The following DYNC1I1 variants were observed in gnomAD, a reference collection of about 807,000 sequenced individuals.
The protein encoded by DYNC1I1 is dynein cytoplasmic 1 intermediate chain 1.
DYNC1I1 carries 43 observed loss-of-function variants against 86.6 expected under a neutral mutation model. The observed-to-expected ratio is 0.50, with a 90% confidence interval of 0.39 to 0.64. The LOEUF (loss-of-function observed/expected upper bound fraction) is 0.64. Among genes scored for constraint, DYNC1I1 ranks in the 30% least tolerant of loss-of-function variants. The pLI, the probability that DYNC1I1 is intolerant of heterozygous loss-of-function variation, is 0.00. For missense variants in DYNC1I1, 604 were observed against 788.8 expected (o/e 0.77, Z 2.81); for synonymous variants, 262 against 283.7 (o/e 0.92, Z 0.77).
intron 10 of DYNC1I1, among the ~76,000 whole-genome samples, chr7:96,009,996 C>T (rs753261764): frequency 6.6e-6 from 1 of 152,042 alleles, no homozygotes; most frequent in African/African-American, 2.4e-5. Context: ...TCAGGCTGAT[C>T]TCAAACTCCC....
At chr7:95,873,354 A>G (rs992801858) in intron 6 of DYNC1I1, among the ~76,000 whole-genome samples, 2 of 152,228 alleles carry the variant, frequency 1.3e-5, no homozygotes, top group African/African-American at 2.4e-5. Context: ...TCCAAGTAGT[A>G]TAGCCATTTG....
At chr7:95,946,571 C>G (rs911182667) in intron 6 of DYNC1I1, among the ~76,000 whole-genome samples, 1 of 152,150 alleles carries the variant, frequency 6.6e-6, no homozygotes, top group African/African-American at 2.4e-5. Context: ...AAGCAATAGT[C>G]ACCTAGGCTC....
At chr7:96,081,073 A>T (rs1300484409) in intron 16 of DYNC1I1, among the ~76,000 whole-genome samples, 1 of 122,420 alleles carries the variant, frequency 8.2e-6, no homozygotes, top group Non-Finnish European at 1.7e-5. Flanking sequence ...ATCTCAAAAA[A>T]AAAAGAAAAA....
chr7:95,933,302 A>T (rs981170153), intron 6 of DYNC1I1, among the ~76,000 whole-genome samples: 4 of 152,220 alleles, frequency 2.6e-5, no homozygotes, highest in African/African-American at 9.6e-5. Context: ...ACAGCAAAGA[A>T]GAGTCCAAAT....
At position 95,956,258 on chromosome 7, in the gene DYNC1I1, C is replaced by T. The variant is rs79628872; in HGVS notation, c.491-21254C>T. 9.0e-3 allele frequency among the ~76,000 whole-genome samples: 1,365 copies of T among 152,026 alleles called. 22 individuals are homozygous for T. Among genetic ancestry groups the T allele is most frequent in the African/African-American group, 0.031 (1,290 of 41,470 alleles). On this transcript the variant is annotated intron_variant, in intron 6 of 16. Transcript: ENST00000447467. ...CATAAATAATACGTAGTATTAAGTG[C>T]TTATTTGCTAGCTTCTCTGACTAAA...
At chr7:95,871,331 G>A (rs1790161911) in intron 6 of DYNC1I1, among the ~76,000 whole-genome samples, 1 of 152,068 alleles carries the variant, frequency 6.6e-6, no homozygotes, top group Admixed American at 6.5e-5. Flanking sequence ...GTATATTAAC[G>A]TGGCTGAAAA....
At chr7:96,009,126 C>G (rs891104666) in intron 10 of DYNC1I1, among the ~76,000 whole-genome samples, 10 of 152,198 alleles carry the variant, frequency 6.6e-5, no homozygotes, top group African/African-American at 2.4e-4. Flanking sequence ...GTCATATTAA[C>G]AGAGTAAAAC....
intron 10 of DYNC1I1, among the ~76,000 whole-genome samples, chr7:96,020,957 A>C (rs1396360000): frequency 6.6e-6 from 1 of 152,136 alleles, no homozygotes; most frequent in African/African-American, 2.4e-5. Flanking sequence ...TTGTAGAGTC[A>C]GAAAGTAGAA....
intron 10 of DYNC1I1, among the ~76,000 whole-genome samples, chr7:96,022,422 A>G (rs944450885): frequency 3.3e-5 from 5 of 151,850 alleles, no homozygotes; most frequent in South Asian, 2.1e-4. Flanking sequence ...GTCAAGAAGG[A>G]GCAGGTAACT....
At chr7:96,081,079 A>AAAAAAAAAAAAAAAAAAAG (rs375715304) in intron 16 of DYNC1I1, among the ~76,000 whole-genome samples, 12 of 133,682 alleles carry the variant, frequency 9.0e-5, no homozygotes, top group African/African-American at 1.2e-4. Context: ...AAAAAAAAAG[A>AAAAAAAAAAAAAAAAAAAG]AAAAGAAAAG....
intron 5 of DYNC1I1, among the ~76,000 whole-genome samples, chr7:95,841,091 T>C (rs763505654): frequency 1.3e-5 from 2 of 152,292 alleles, no homozygotes; most frequent in South Asian, 4.2e-4. Flanking sequence ...TTGTCACCTC[T>C]AGGGGGTCTA....
chr7:95,987,382 A>G (rs1274674958), intron 9 of DYNC1I1, among the ~76,000 whole-genome samples: 2 of 152,186 alleles, frequency 1.3e-5, no homozygotes, highest in Non-Finnish European at 2.9e-5. Context: ...TGTTCTGTCC[A>G]TGAAACTATT....
intron 1 of DYNC1I1, among the ~76,000 whole-genome samples, chr7:95,786,618 G>A (rs974333209): frequency 7.9e-5 from 12 of 152,180 alleles, no homozygotes; most frequent in Non-Finnish European, 4.4e-5. Context: ...GCATCGTGGA[G>A]CCAACTACTT....
chr7:96,097,784 C>T lies in DYNC1I1; in HGVS notation c.*191C>T. ...ATGCTTTCCACTGACCCAAAATTCA[C>T]CACAGCATTTCTATCTTTATATTTC... On this transcript the variant is annotated 3_prime_UTR_variant, in exon 17 of 17. Transcript: ENST00000447467. 3.1e-6 allele frequency: 4 copies of T among 1,309,940 alleles called. No individual in the cohort carries two copies. The highest frequency in any genetic ancestry group is 3.9e-6 in the Non-Finnish European group (4 of 1,026,660). The allele number at this position is 1,309,940 out of a possible 1,614,324, so 81.1% of individuals were successfully genotyped here.
At chr7:96,059,326 G>C (rs949803954) in intron 14 of DYNC1I1, among the ~76,000 whole-genome samples, 1 of 151,682 alleles carries the variant, frequency 6.6e-6, no homozygotes, top group African/African-American at 2.4e-5. Context: ...AAAAAAAAAT[G>C]CAAAAACCAT....
At chr7:95,974,543 C>G (rs981244842) in intron 6 of DYNC1I1, among the ~76,000 whole-genome samples, 14 of 152,080 alleles carry the variant, frequency 9.2e-5, no homozygotes, top group African/African-American at 2.9e-4. Context: ...GGATAAAACC[C>G]AGGGGCCAGC....
intron 5 of DYNC1I1, among the ~76,000 whole-genome samples, chr7:95,850,140 T>C (rs2116062016): frequency 6.6e-6 from 1 of 152,364 alleles, no homozygotes; most frequent in Admixed American, 6.5e-5. Context: ...TAAAAGATTA[T>C]GTTGTCTGCA....
intron 6 of DYNC1I1, among the ~76,000 whole-genome samples, chr7:95,938,928 G>A (rs1315323983): frequency 6.6e-6 from 1 of 152,098 alleles, no homozygotes; most frequent in East Asian, 1.9e-4. Flanking sequence ...TCTCTTTTGG[G>A]CATTTAGTGC....
chr7:95,976,111 C>T (rs1793297218), intron 6 of DYNC1I1, among the ~76,000 whole-genome samples: 1 of 152,152 alleles, frequency 6.6e-6, no homozygotes, highest in African/African-American at 2.4e-5. Context: ...TGCGACTTTT[C>T]ATCTCATAAC....
Sources: allele counts gnomAD v4.1 joint callset (sites outside exome capture counted in the v4.1 genomes callset), GRCh38; gene constraint gnomAD v4.1.1; transcripts MANE v1.5; gene names NCBI Gene and HGNC (gene_info 2026-07-23, HGNC 2026-07-21).